The following LIAS variants were observed in gnomAD, a reference collection of about 807,000 sequenced individuals.
LIAS encodes lipoyl synthase, mitochondrial.
In LIAS, 36 loss-of-function variants were observed where a neutral mutation model predicts 49.4. The ratio of observed to expected loss-of-function variants is 0.73; its 90% CI spans 0.56 to 0.96. The LOEUF (loss-of-function observed/expected upper bound fraction) is 0.96, where lower values mean the gene tolerates loss of function less well. LIAS is among the 40% of genes least tolerant of loss of function. The probability of loss-of-function intolerance (pLI) is 0.00; values close to 1 mark genes in which losing one functional copy is unlikely to be tolerated. For synonymous variants in LIAS, 145 were observed against 155.8 expected, an observed-to-expected ratio of 0.93 and a Z score of 0.52; for missense variants, 399 against 456.3, an observed-to-expected ratio of 0.87 and a Z score of 1.14.
At position 39,459,136 on chromosome 4, in the gene LIAS, G is replaced by C; in HGVS notation, c.19G>C (p.Asp7His). 6.2e-7 allele frequency: 1 copy of C among 1,613,906 alleles called. No homozygotes were observed. Among genetic ancestry groups the C allele is most frequent in the Non-Finnish European group, 8.5e-7 (1 of 1,180,026 alleles). Residue 7 changes from aspartate to histidine, a missense_variant, in exon 1 of 11, where the codon GAT (aspartate) becomes CAT (histidine). Physicochemically the swap from Asp to His is moderately conservative, Grantham distance 81. Transcript: ENST00000640888. Reference sequence around the variant, plus strand: ...AGAGGAAATGTCTCTACGCTGCGGGGATGCAGCCCGCACCCTGGGGCCCCG... The same window carrying C: ...AGAGGAAATGTCTCTACGCTGCGGGCATGCAGCCCGCACCCTGGGGCCCCG... MSLRCG[D>H]AARTLGPRVF...
intron 7 of LIAS, 39 bp downstream of exon 7, chr4:39,467,685 G>A (rs764429673): frequency 1.4e-5 from 20 of 1,454,988 alleles, no homozygotes; most frequent in Middle Eastern, 1.8e-4. Context: ...AAGTTAGGCG[G>A]GTCAAAATAT....
chr4:39,460,806 T>C lies in LIAS; in HGVS notation c.62T>C (p.Phe21Ser). 6.3e-7 allele frequency: 1 copy of C among 1,575,080 alleles called. No homozygotes were observed. Among genetic ancestry groups the C allele is most frequent in the Non-Finnish European group, 8.6e-7 (1 of 1,165,570 alleles). Residue 21 changes from phenylalanine (F) to serine (S), a missense_variant, in exon 2 of 11, where the codon TTT (phenylalanine) becomes TCT (serine). Transcript: ENST00000640888. ...TTTCTTTAGGTATTTGGGAGATATT[T>C]TTGCAGCCCAGTCAGACCGTTAAGC... ...TLGPRVFGRY[F>S]CSPVRPLSSL...
rs376183576 is a variant in LIAS at position 39,477,112 on chromosome 4, C to G, written c.1116C>G (p.Leu372=). ...TGGCTAAAAGAAAAACAAAAGACCTCTAAAACTTCAACAAGACCTTCAAGA... is the reference window on the plus strand; with the variant it reads ...TGGCTAAAAGAAAAACAAAAGACCTGTAAAACTTCAACAAGACCTTCAAGA... ...NLVAKRKTKD[L] is the part of the protein sequence containing the mutation. Residue 372 remains leucine, a synonymous_variant, in exon 11 of 11, where the codon CTC becomes CTG. Coordinates refer to ENST00000640888, the MANE Select transcript of LIAS (RefSeq NM_006859.4). 3.9e-5 allele frequency: 63 copies of G among 1,598,388 alleles called. No homozygotes were observed. The highest frequency in any genetic ancestry group is 4.9e-5 in the Non-Finnish European group (57 of 1,174,140).
At chr4:39,474,512 G>A (rs973420420) in intron 10 of LIAS, among the ~76,000 whole-genome samples, 2 of 152,010 alleles carry the variant, frequency 1.3e-5, no homozygotes, top group Non-Finnish European at 2.9e-5. Context: ...TTGGGAGACC[G>A]AGGCAGGAGG....
Position 39,478,454 on chromosome 4 carries a change from A to G in LIAS, c.*1339A>G, listed in dbSNP as rs1482217693. 2 of 152,180 alleles carry G rather than the reference A, an allele frequency of 1.3e-5. No homozygotes were observed. The highest frequency in any genetic ancestry group is 2.9e-5 in the Non-Finnish European group (2 of 68,048). The allele number at this position is 152,180 out of a possible 1,614,324, so 9.4% of individuals were successfully genotyped here. A position where few individuals can be genotyped will look rare whatever the true frequency, so the allele number is the denominator to read the frequency against. On this transcript the variant is annotated 3_prime_UTR_variant, in exon 11 of 11. Coordinates refer to ENST00000640888, the MANE Select transcript of LIAS (RefSeq NM_006859.4). ...GTGAAGCAGAGATTGCAGTGAGGCG[A>G]TATCGTGCCACTGCACTCCAGCCCG... is the stretch of plus-strand genomic sequence containing the variant.
At chr4:39,470,196 C>G in intron 8 of LIAS, 32 bp downstream of exon 8, 1 of 1,585,098 alleles carries the variant, frequency 6.3e-7, no homozygotes, top group South Asian at 1.1e-5. Flanking sequence ...AAATCTTTCC[C>G]ATGTAATTTG....
rs1745213705 is a variant in LIAS at position 39,476,934 on chromosome 4, AGAGAG to A, written c.1067-128_1067-124del. 1.4e-5 allele frequency: 9 copies of A among 623,610 alleles called. No homozygotes were observed. In the East Asian group the frequency reaches 2.7e-4, roughly 19 times the overall value. The allele number at this position is 623,610 out of a possible 1,614,324, so 38.6% of individuals were successfully genotyped here. ...AAAATATTGCCATTGAGGTTTGAGA[AGAGAG>A]AAGTGCCAATAAATACAAAAGTCTT... On this transcript the variant is annotated intron_variant, in intron 10 of 10. Coordinates refer to ENST00000640888, the MANE Select transcript of LIAS (RefSeq NM_006859.4).
chr4:39,469,966 T>C (rs1578241623), intron 7 of LIAS, 53 bp from the exon 8 acceptor site: 1 of 1,559,034 alleles, frequency 6.4e-7, no homozygotes, highest in East Asian at 2.3e-5. Flanking sequence ...TGCATAACTA[T>C]GTACTTGGTT....
intron 9 of LIAS, among the ~76,000 whole-genome samples, chr4:39,472,877 A>T (rs1338848582): frequency 6.6e-6 from 1 of 152,164 alleles, no homozygotes; most frequent in Non-Finnish European, 1.5e-5. Context: ...CACAAAATTG[A>T]TATGCTTCCC....
intron 6 of LIAS, chr4:39,465,919 A>G (rs1205229483): frequency 6.6e-6 from 1 of 152,288 alleles, no homozygotes; most frequent in Non-Finnish European, 1.5e-5. Flanking sequence ...TGAGCCTACC[A>G]AAGTGCGGGA....
At chr4:39,460,056 C>T (rs1162815034) in intron 1 of LIAS, among the ~76,000 whole-genome samples, 2 of 152,134 alleles carry the variant, frequency 1.3e-5, no homozygotes, top group Admixed American at 1.3e-4. Context: ...TACGTTTCAA[C>T]AATTATTCAA....
In LIAS at chr4:39,465,129, GC is replaced by G. The variant is rs1744708369; in HGVS notation, c.480del (p.Tyr161ThrfsTer17). The G allele has an allele frequency of 1.2e-6, 2 of 1,614,212 alleles. No homozygotes were observed. Among genetic ancestry groups the G allele is most frequent in the Non-Finnish European group, 1.7e-6 (2 of 1,180,026 alleles). On this transcript the variant is annotated frameshift_variant, in exon 5 of 11. Coordinates refer to ENST00000640888, the MANE Select transcript of LIAS (RefSeq NM_006859.4). LOFTEE classifies it high-confidence loss of function. ...ATCCTCCTCCACTGGATGCCAGTGA[GC>G]CCTACAATACTGCAAAGGCAATTGC... ...RNPPPLDASE[P>X]YNTAKAIAEW...
chr4:39,462,338 C>T, intron 3 of LIAS, 49 bp downstream of exon 3: 1 of 838,572 alleles, frequency 1.2e-6, no homozygotes. Context: ...AGCCATGTTT[C>T]TACGTTTATA....
At chr4:39,462,131 T>C in intron 2 of LIAS, 65 bp from the exon 3 acceptor site, 1 of 660,484 alleles carries the variant, frequency 1.5e-6, no homozygotes, top group Middle Eastern at 3.1e-4. Context: ...AGAAATTAAC[T>C]TCAAAGCTGT....
chr4:39,461,034 C>T, intron 2 of LIAS, 72 bp downstream of exon 2: 1 of 1,280,700 alleles, frequency 7.8e-7, no homozygotes. Context: ...ATAACCAAGC[C>T]CTAGAATCTG....
chr4:39,468,521 A>ATATAT (rs1468216619), intron 7 of LIAS: 10 of 139,588 alleles, frequency 7.2e-5, no homozygotes, highest in African/African-American at 2.7e-4. Context: ...ATATATATAT[A>ATATAT]TTTTTTTATA....
intron 1 of LIAS, among the ~76,000 whole-genome samples, chr4:39,459,511 A>G (rs1389397732): frequency 6.6e-6 from 1 of 152,186 alleles, no homozygotes; most frequent in African/African-American, 2.4e-5. Flanking sequence ...CGCAGAGAAC[A>G]CAAACCTGTC....
intron 10 of LIAS, chr4:39,473,965 A>AT (rs1028967662): frequency 1.3e-5 from 2 of 152,182 alleles, no homozygotes; most frequent in African/African-American, 4.8e-5. Flanking sequence ...AATTATAATG[A>AT]TTAAGAATAA....
chr4:39,471,552 A>G (rs1744991186), intron 9 of LIAS, among the ~76,000 whole-genome samples: 2 of 92,496 alleles, frequency 2.2e-5, no homozygotes, highest in Non-Finnish European at 3.9e-5. Flanking sequence ...TTTGAGACGG[A>G]GTCTCGCTCT....
Sources: gnomAD v4.1 joint callset for allele counts (sites outside exome capture counted in the v4.1 genomes callset) on GRCh38, gnomAD v4.1.1 for gene constraint, MANE v1.5 for transcripts, NCBI Gene and HGNC (gene_info 2026-07-23, HGNC 2026-07-21) for gene names.